The following XKR7 variants were observed in gnomAD, a reference collection of about 807,000 sequenced individuals.
XKR7 encodes XK-related protein 7.
A neutral mutation model predicts 42.2 loss-of-function variants in XKR7; 11 were observed. The observed-to-expected ratio is 0.26, with a 90% CI of 0.16 to 0.43. The LOEUF is 0.43. XKR7 is among the 20% of genes least tolerant of loss of function. The probability of loss-of-function intolerance (pLI) is 1.00; values close to 1 mark genes in which losing one functional copy is unlikely to be tolerated. For synonymous variants in XKR7, 346 were observed against 366.4 expected (o/e 0.94, Z 0.64); for missense variants, 710 against 802.2 (o/e 0.89, Z 1.39).
intron 1 of XKR7, among the ~76,000 whole-genome samples, chr20:31,983,712 C>T (rs2064524161): frequency 1.3e-5 from 2 of 152,040 alleles, no homozygotes; most frequent in Admixed American, 1.3e-4. Flanking sequence ...TTTGGGAGGC[C>T]GAGGCAGGCG....
At chr20:31,976,012 C>A (rs914653804) in intron 1 of XKR7, among the ~76,000 whole-genome samples, 4 of 152,232 alleles carry the variant, frequency 2.6e-5, no homozygotes, top group African/African-American at 4.8e-5. Context: ...AGTCACTTAA[C>A]CTTTCTGGAC....
intron 1 of XKR7, among the ~76,000 whole-genome samples, chr20:31,979,641 T>G (rs1032440037): frequency 1.3e-5 from 2 of 152,100 alleles, no homozygotes; most frequent in Non-Finnish European, 1.5e-5. Flanking sequence ...CATTGGCATT[T>G]GAGACCCTGG....
chr20:31,991,710 A>G (rs933014515), intron 1 of XKR7, among the ~76,000 whole-genome samples: 4 of 152,220 alleles, frequency 2.6e-5, no homozygotes, highest in African/African-American at 4.8e-5. Context: ...ACCTCTGGCC[A>G]TTCCCCTAAA....
At position 31,993,088 on chromosome 20, in the gene XKR7, C is replaced by CCACACACACACACACA. The variant is rs374683030; in HGVS notation, c.585-1967_585-1952dup. On this transcript the variant is annotated intron_variant, in intron 1 of 2. Coordinates refer to ENST00000562532, the MANE Select transcript of XKR7 (RefSeq NM_001011718.2). ...GAGAATCTGTGTAAGGGTTCCCCCT[C>CCACACACACACACACA]CACACACACACACACACACACACAC... Among the ~76,000 whole-genome samples the CCACACACACACACACA allele has an allele frequency of 5.4e-5, 8 of 147,410 alleles. 1 individual carries two copies. Among genetic ancestry groups the CCACACACACACACACA allele is most frequent in the African/African-American group, 2.0e-4 (8 of 39,988 alleles).
intron 1 of XKR7, among the ~76,000 whole-genome samples, chr20:31,980,029 A>T (rs2064504350): frequency 6.6e-6 from 1 of 151,258 alleles, no homozygotes; most frequent in East Asian, 2.0e-4. Flanking sequence ...CAAAAGAGGG[A>T]CGCTGGCTGG....
intron 1 of XKR7, among the ~76,000 whole-genome samples, chr20:31,986,511 CACAG>C (rs1317818830): frequency 4.0e-5 from 4 of 100,964 alleles, no homozygotes; most frequent in African/African-American, 8.5e-5. Flanking sequence ...GTATCCAAGG[CACAG>C]ACAGACAGAC....
chr20:31,969,773 G>T (rs1041928968), intron 1 of XKR7, among the ~76,000 whole-genome samples: 2 of 152,202 alleles, frequency 1.3e-5, no homozygotes, highest in Non-Finnish European at 2.9e-5. Flanking sequence ...GGATGGTCAG[G>T]TGAGAGGTCT....
chr20:31,995,115 A>G lies in XKR7; in HGVS notation c.632A>G (p.Glu211Gly). ...YLGLQSRWRG[E>G]RLRRHFYWQM... Reference sequence around the variant, plus strand: ...GGGCTGCAGAGCCGCTGGCGCGGGGAGCGGCTGCGGCGCCACTTCTACTGG... The same window carrying G: ...GGGCTGCAGAGCCGCTGGCGCGGGGGGCGGCTGCGGCGCCACTTCTACTGG... Residue 211 changes from glutamate to glycine, a missense_variant, in exon 2 of 3, where the codon GAG becomes GGG. Glu to Gly is a moderately conservative substitution (Grantham distance 98, BLOSUM62 -2). Coordinates refer to ENST00000562532, the MANE Select transcript of XKR7 (RefSeq NM_001011718.2). This position sits in a 1 kb window ranked among gnomAD's most constrained non-coding sequence, Gnocchi z 4.1. The G allele has an allele frequency of 6.4e-7, 1 of 1,557,316 alleles. No homozygotes were observed. Among genetic ancestry groups the G allele is most frequent in the Non-Finnish European group, 8.7e-7 (1 of 1,151,662 alleles).
intron 1 of XKR7, among the ~76,000 whole-genome samples, chr20:31,972,227 AC>A (rs1489765853): frequency 6.6e-6 from 1 of 151,720 alleles, no homozygotes; most frequent in Non-Finnish European, 1.5e-5. Flanking sequence ...TTACTCTGAA[AC>A]CCTCCCCCCT....
chr20:31,976,629 C>T (rs2064486610), intron 1 of XKR7, among the ~76,000 whole-genome samples: 3 of 152,318 alleles, frequency 2.0e-5, no homozygotes, highest in Admixed American at 6.5e-5. Flanking sequence ...AGGCGATCCA[C>T]CTGCCTCGGC....
At position 32,001,378 on chromosome 20, in the gene XKR7, C is replaced by T. The variant is rs545832699; in HGVS notation, c.*3921C>T. On this transcript the variant is annotated 3_prime_UTR_variant, in exon 3 of 3. Coordinates refer to ENST00000562532, the MANE Select transcript of XKR7 (RefSeq NM_001011718.2). Reference sequence around the variant, plus strand: ...AATGTTTGGGAAACTGCTGGCCACTCATATTTGGCCCACGTGCCACCAGTT... The same window carrying T: ...AATGTTTGGGAAACTGCTGGCCACTTATATTTGGCCCACGTGCCACCAGTT... The T allele has an allele frequency of 6.6e-6, 1 of 152,320 alleles. No homozygotes were observed. The highest frequency in any genetic ancestry group is 2.1e-4 in the South Asian group (1 of 4,824). The allele number at this position is 152,320 out of a possible 1,614,324, so 9.4% of individuals were successfully genotyped here.
rs1162311439 is a variant in XKR7 at position 31,997,375 on chromosome 20, ACTC to A, written c.1662_1664del (p.Ser555del). ...CGGAAGACCATCCTGGCACTGGAGT[ACTC>A]CTCACCTGCCACGCCCCGGTTGCAG... On this transcript the variant is annotated inframe_deletion, in exon 3 of 3. Coordinates refer to ENST00000562532, the MANE Select transcript of XKR7 (RefSeq NM_001011718.2). 1.2e-6 allele frequency: 2 copies of A among 1,601,406 alleles called. No homozygotes were observed. The highest frequency in any genetic ancestry group is 1.7e-6 in the Non-Finnish European group (2 of 1,179,882).
intron 1 of XKR7, among the ~76,000 whole-genome samples, chr20:31,986,591 CACAG>C (rs1187445425): frequency 7.6e-6 from 1 of 131,872 alleles, no homozygotes; most frequent in African/African-American, 3.1e-5. Flanking sequence ...GCATCTGAGA[CACAG>C]ACAGACAGAC....
At chr20:31,969,700 A>G (rs2064455403) in intron 1 of XKR7, among the ~76,000 whole-genome samples, 1 of 152,186 alleles carries the variant, frequency 6.6e-6, no homozygotes, top group African/African-American at 2.4e-5. Flanking sequence ...CTTCTGTGAA[A>G]TGAGGGAGAA....
chr20:31,989,276 C>CG (rs1265822648), intron 1 of XKR7, among the ~76,000 whole-genome samples: 2 of 82,420 alleles, frequency 2.4e-5, no homozygotes, highest in Non-Finnish European at 4.7e-5. Context: ...TTTTAGGACA[C>CG]CCCCCCCCCA....
intron 1 of XKR7, among the ~76,000 whole-genome samples, chr20:31,971,317 C>T (rs1240195983): frequency 1.3e-5 from 2 of 152,106 alleles, no homozygotes; most frequent in Non-Finnish European, 2.9e-5. Context: ...CTTTGGGTCT[C>T]GGTTTCCCTG....
chr20:31,977,262 C>A (rs989324045), intron 1 of XKR7, among the ~76,000 whole-genome samples: 1 of 152,146 alleles, frequency 6.6e-6, no homozygotes, highest in Non-Finnish European at 1.5e-5. Flanking sequence ...CTGGATTGAA[C>A]CTTTGAGATC....
rs902734783 is a variant in XKR7, at chr20:31,998,949, G to C, written c.*1492G>C. On this transcript the variant is annotated 3_prime_UTR_variant, in exon 3 of 3. Coordinates refer to ENST00000562532, the MANE Select transcript of XKR7 (RefSeq NM_001011718.2). ...CCTAGGACAGCCAGTGCTGGATTGA[G>C]GGGGCGTATGGGAGAGGGGAAGTAG... The C allele has an allele frequency of 2.0e-5, 3 of 152,336 alleles. No individual in the cohort carries two copies. The highest frequency in any genetic ancestry group is 7.2e-5 in the African/African-American group (3 of 41,430). The allele number at this position is 152,336 out of a possible 1,614,324, so 9.4% of individuals were successfully genotyped here.
intron 1 of XKR7, among the ~76,000 whole-genome samples, chr20:31,992,101 G>A (rs1006711488): frequency 5.9e-5 from 9 of 151,850 alleles, no homozygotes; most frequent in African/African-American, 1.9e-4. Context: ...TGGGCAACAA[G>A]AGCGAAACTC....
Sources: gnomAD v4.1 joint callset for allele counts (sites outside exome capture counted in the v4.1 genomes callset) on GRCh38, gnomAD v4.1.1 for gene constraint, Gnocchi (gnomAD v3.1) non-coding constraint, MANE v1.5 for transcripts, NCBI Gene and HGNC (gene_info 2026-07-23, HGNC 2026-07-21) for gene names.